The following BTBD9 variants were observed in gnomAD, a reference collection of about 807,000 sequenced individuals.
The protein encoded by BTBD9 is BTB domain containing 9, also known as BTB/POZ domain-containing protein 9.
A neutral mutation model predicts 64.3 loss-of-function variants in BTBD9; 49 were observed. The ratio of observed to expected loss-of-function variants is 0.76; its 90% CI spans 0.61 to 0.97. The LOEUF is 0.97. Ranked by LOEUF, BTBD9 falls within the 50% of genes least tolerant of loss-of-function variation. The pLI is 0.00. For synonymous variants in BTBD9, 260 were observed against 274.7 expected (o/e 0.95, Z 0.53); for missense variants, 598 against 762.1 (o/e 0.78, Z 2.53).
At chr6:38,332,839 A>C (rs1032886223) in intron 7 of BTBD9, among the ~76,000 whole-genome samples, 2 of 152,206 alleles carry the variant, frequency 1.3e-5, no homozygotes, top group Non-Finnish European at 2.9e-5. Context: ...CTCTTTAAAA[A>C]TTTATAGTTT....
In BTBD9 at chr6:38,168,774, C is replaced by T. The variant is rs541651609; in HGVS notation, c.*6211G>A. On this transcript the variant is annotated 3_prime_UTR_variant, in exon 11 of 11. Coordinates refer to ENST00000481247, the MANE Select transcript of BTBD9 (RefSeq NM_001099272.2). ...CAGAAACGCCAAAGGCTGGGAGGCT[C>T]TTGTTCTCTGGTGAATCCGGATTCA... The T allele has an allele frequency of 9.8e-5, 15 of 152,348 alleles. No individual in the cohort carries two copies. Among genetic ancestry groups the T allele is most frequent in the African/African-American group, 3.4e-4 (14 of 41,552 alleles). The allele number at this position is 152,348 out of a possible 1,614,324, so 9.4% of individuals were successfully genotyped here.
chr6:38,588,225 A>C (rs1776629768), intron 4 of BTBD9: 2 of 992,742 alleles, frequency 2.0e-6, no homozygotes. Flanking sequence ...GCAACCAACT[A>C]CCCAGGCACC....
intron 9 of BTBD9, among the ~76,000 whole-genome samples, chr6:38,217,302 G>A (rs1763039574): frequency 8.8e-6 from 1 of 113,164 alleles, no homozygotes; most frequent in Admixed American, 1.3e-4. Context: ...CTGGGTGACA[G>A]AGCAAGACTC....
chr6:38,278,618 G>A (rs1761383837), intron 8 of BTBD9, among the ~76,000 whole-genome samples: 1 of 152,212 alleles, frequency 6.6e-6, no homozygotes, highest in East Asian at 1.9e-4. Flanking sequence ...AGAAAGGGAT[G>A]AAACTCAAAC....
intron 6 of BTBD9, among the ~76,000 whole-genome samples, chr6:38,370,417 T>C (rs1765370224): frequency 6.6e-6 from 1 of 152,228 alleles, no homozygotes; most frequent in African/African-American, 2.4e-5. Context: ...AAATGAGCTA[T>C]TAATCAGACT....
At chr6:38,375,518 T>C (rs1211213187) in intron 6 of BTBD9, among the ~76,000 whole-genome samples, 1 of 152,190 alleles carries the variant, frequency 6.6e-6, no homozygotes, top group Non-Finnish European at 1.5e-5. Context: ...GTCAGACAGC[T>C]GAGTCTGGGA....
At chr6:38,500,471 G>A (rs997453559) in intron 6 of BTBD9, among the ~76,000 whole-genome samples, 9 of 152,190 alleles carry the variant, frequency 5.9e-5, no homozygotes, top group Non-Finnish European at 1.5e-5. Flanking sequence ...AAGGAGCAAT[G>A]CAGACTGCAA....
At chr6:38,195,051 AAAGTATCAGTAGTAAGGG>A (rs1419114621) in intron 9 of BTBD9, among the ~76,000 whole-genome samples, 1 of 152,220 alleles carries the variant, frequency 6.6e-6, no homozygotes, top group Non-Finnish European at 1.5e-5. Flanking sequence ...ATTCTAAACC[AAAGTATCAGTAGTAAGGG>A]AAGTTGGTTA....
intron 1 of BTBD9, among the ~76,000 whole-genome samples, chr6:38,619,578 C>A (rs1434425237): frequency 2.6e-5 from 4 of 152,144 alleles, no homozygotes; most frequent in Non-Finnish European, 5.9e-5. Flanking sequence ...CCAGAAGCCC[C>A]CAACCAGATA....
At chr6:38,479,342 G>A (rs907704253) in intron 6 of BTBD9, among the ~76,000 whole-genome samples, 14 of 152,130 alleles carry the variant, frequency 9.2e-5, no homozygotes, top group Middle Eastern at 3.4e-3. Flanking sequence ...AATCCACACA[G>A]TGTAGATGGG....
At position 38,192,828 on chromosome 6, in the gene BTBD9, A is replaced by T. The variant is rs1226158604; in HGVS notation, c.1563-231T>A. ...CCCATCACAGAAGGCACTCCTCCCC[A>T]TCTGTGAATGTCACTTAGGCTTCTT... On this transcript the variant is annotated intron_variant, in intron 9 of 10. Transcript: ENST00000481247. Among the ~76,000 whole-genome samples, 29 of 148,678 alleles carry T rather than the reference A, an allele frequency of 2.0e-4. No homozygotes were observed. The Admixed American group carries it at 2.0e-3, about 10-fold the overall frequency.
chr6:38,221,262 G>A (rs772060644), intron 9 of BTBD9, among the ~76,000 whole-genome samples: 1 of 152,044 alleles, frequency 6.6e-6, no homozygotes, highest in Non-Finnish European at 1.5e-5. Context: ...TATTACTGTC[G>A]ATAACATCTA....
chr6:38,460,614 T>A (rs1193495388), intron 6 of BTBD9, among the ~76,000 whole-genome samples: 1 of 150,784 alleles, frequency 6.6e-6, no homozygotes, highest in Non-Finnish European at 1.5e-5. Flanking sequence ...ACAGTTAGGG[T>A]TTTTTTTGTT....
chr6:38,278,707 C>T (rs1037609182), intron 8 of BTBD9, among the ~76,000 whole-genome samples: 4 of 152,088 alleles, frequency 2.6e-5, no homozygotes, highest in Non-Finnish European at 5.9e-5. Flanking sequence ...GACATGGTGA[C>T]CAAAAGAACC....
intron 6 of BTBD9, among the ~76,000 whole-genome samples, chr6:38,534,945 T>C (rs572059864): frequency 6.6e-6 from 1 of 152,248 alleles, no homozygotes; most frequent in Admixed American, 6.5e-5. Flanking sequence ...AATCATTTCT[T>C]CTAAGATCTG....
At chr6:38,407,512 T>A (rs1427681562) in intron 6 of BTBD9, among the ~76,000 whole-genome samples, 1 of 152,138 alleles carries the variant, frequency 6.6e-6, no homozygotes, top group Non-Finnish European at 1.5e-5. Context: ...TCTTCCTGTG[T>A]GCAACCTGCA....
intron 6 of BTBD9, among the ~76,000 whole-genome samples, chr6:38,360,970 G>T (rs531365166): frequency 1.1e-4 from 17 of 152,220 alleles, no homozygotes; most frequent in African/African-American, 1.9e-4. Flanking sequence ...ATCAGTGTAA[G>T]GGAGGACCAG....
intron 1 of BTBD9, among the ~76,000 whole-genome samples, chr6:38,599,604 T>A (rs1777177286): frequency 6.6e-6 from 1 of 152,186 alleles, no homozygotes; most frequent in African/African-American, 2.4e-5. Flanking sequence ...TTGAGACAGA[T>A]ATGTTATCTC....
At chr6:38,310,001 G>A (rs1191008347) in intron 7 of BTBD9, among the ~76,000 whole-genome samples, 2 of 152,114 alleles carry the variant, frequency 1.3e-5, no homozygotes, top group African/African-American at 4.8e-5. Context: ...GAGGCAGAGA[G>A]AAAAAGGTGA....
Sources: gnomAD v4.1 joint callset for allele counts (sites outside exome capture counted in the v4.1 genomes callset) on GRCh38, gnomAD v4.1.1 for gene constraint, MANE v1.5 for transcripts, NCBI Gene and HGNC (gene_info 2026-07-23, HGNC 2026-07-21) for gene names.